PLEKHG1: variants seen among roughly 807,000 people sequenced by gnomAD.
PLEKHG1 encodes pleckstrin homology and RhoGEF domain containing G1.
A neutral mutation model predicts 100.8 loss-of-function variants in PLEKHG1; 44 were observed. The observed-to-expected ratio is 0.44, with a 90% CI of 0.34 to 0.56. The LOEUF is 0.56. Among genes scored for constraint, PLEKHG1 ranks in the 20% least tolerant of loss-of-function variants. The probability of loss-of-function intolerance (pLI) is 0.01; values close to 1 mark genes in which losing one functional copy is unlikely to be tolerated. For synonymous variants in PLEKHG1, 640 were observed against 662.5 expected (o/e 0.97, Z 0.52); for missense variants, 1,545 against 1,720.9 (o/e 0.90, Z 1.81).
chr6:150,800,779 G>A (rs2073061), exon 6 of PLEKHG1: 822,274 of 1,612,362 alleles, frequency 0.51, 215,639 homozygotes, highest in East Asian at 0.79. Context: ...TCTTCAGGGA[G>A]CGTCAGGAAA....
intron 1 of PLEKHG1, among the ~76,000 whole-genome samples, chr6:150,622,263 C>A (rs1470535349): frequency 6.6e-6 from 1 of 152,084 alleles, no homozygotes; most frequent in Non-Finnish European, 1.5e-5. Flanking sequence ...GTAATTTTGG[C>A]CCAAAGGTAA....
At position 150,681,000 on chromosome 6, in the gene PLEKHG1, T is replaced by C. The variant is rs114484088; in HGVS notation, c.-99+30214T>C. ...GTAATCTCTAGGCATAATGCTCATA[T>C]AGAGTCCAAATTCTATATGAATTTA... is the stretch of plus-strand genomic sequence containing the variant. On this transcript the variant is annotated intron_variant, in intron 3 of 3. Coordinates refer to the PLEKHG1 transcript ENST00000367326. Among the ~76,000 whole-genome samples, 309 of 152,350 alleles carry C rather than the reference T, an allele frequency of 2.0e-3. 2 individuals carry two copies. Among genetic ancestry groups the C allele is most frequent in the African/African-American group, 6.4e-3 (266 of 41,596 alleles).
At chr6:150,729,849 T>C (rs1272564137) in intron 1 of PLEKHG1, among the ~76,000 whole-genome samples, 6 of 152,106 alleles carry the variant, frequency 3.9e-5, no homozygotes, top group Non-Finnish European at 7.4e-5. Context: ...CATGTTGCTA[T>C]TTAAGATCTA....
intron 2 of PLEKHG1, among the ~76,000 whole-genome samples, chr6:150,749,155 C>A (rs954114539): frequency 6.6e-6 from 1 of 152,156 alleles, no homozygotes. Context: ...GCCTCCCAGC[C>A]GTTTCATTTG....
At chr6:150,738,112 C>A (rs1021180483) in intron 2 of PLEKHG1, among the ~76,000 whole-genome samples, 5 of 152,128 alleles carry the variant, frequency 3.3e-5, no homozygotes, top group African/African-American at 9.7e-5. Context: ...CTGAGCCCAG[C>A]CTTAGCTGGC....
chr6:150,610,192 C>T lies in PLEKHG1; in HGVS notation c.-204+10175C>T, dbSNP rs145221589. ...TCTCAGCTCACTGCAACGTCTGCCTCCTGGGTTCAAGCGATTTTCCTGCCT... is the reference window on the plus strand; with the variant it reads ...TCTCAGCTCACTGCAACGTCTGCCTTCTGGGTTCAAGCGATTTTCCTGCCT... On this transcript the variant is annotated intron_variant, in intron 1 of 3. Transcript: ENST00000367326. Among the ~76,000 whole-genome samples the T allele has an allele frequency of 5.0e-3, 763 of 152,322 alleles. 7 individuals carry two copies. The highest frequency in any genetic ancestry group is 0.018 in the African/African-American group (734 of 41,566).
At chr6:150,603,097 A>AAAAAG (rs1776432624) in intron 1 of PLEKHG1, among the ~76,000 whole-genome samples, 3 of 150,750 alleles carry the variant, frequency 2.0e-5, no homozygotes. Flanking sequence ...AAAAAAATAA[A>AAAAAG]AAAAAAGAAA....
intron 1 of PLEKHG1, among the ~76,000 whole-genome samples, chr6:150,632,135 G>A (rs144063200): frequency 4.6e-5 from 7 of 152,152 alleles, no homozygotes; most frequent in African/African-American, 1.4e-4. Context: ...TGTGCATGTC[G>A]TAATGTTCAG....
chr6:150,777,501 A>G (rs1288190190), intron 3 of PLEKHG1, among the ~76,000 whole-genome samples: 6 of 143,490 alleles, frequency 4.2e-5, no homozygotes, highest in Admixed American at 2.1e-4. Flanking sequence ...GTTGCACATT[A>G]CTCACACTGA....
chr6:150,738,495 C>T (rs558951690), intron 2 of PLEKHG1, among the ~76,000 whole-genome samples: 7 of 152,320 alleles, frequency 4.6e-5, no homozygotes, highest in Middle Eastern at 3.4e-3. Context: ...GTTGGTTACA[C>T]ATGTAAAGAG....
At chr6:150,649,904 G>C (rs750994728) in intron 2 of PLEKHG1, among the ~76,000 whole-genome samples, 4 of 152,066 alleles carry the variant, frequency 2.6e-5, no homozygotes, top group Non-Finnish European at 4.4e-5. Flanking sequence ...CCCAGCTGCT[G>C]GGGAGGCTGA....
intron 2 of PLEKHG1, 40 bp from the exon 2 acceptor site, chr6:150,650,688 A>G (rs1225970074): frequency 6.6e-5 from 10 of 152,216 alleles, no homozygotes; most frequent in Admixed American, 6.5e-4. Context: ...AGAAAGCAAT[A>G]TTTAAGTAAA....
chr6:150,825,684 G>A (rs1036922103), intron 14 of PLEKHG1, among the ~76,000 whole-genome samples: 1 of 152,170 alleles, frequency 6.6e-6, no homozygotes, highest in Admixed American at 6.5e-5. Flanking sequence ...AGGTGGTTAA[G>A]CTCATGTATA....
chr6:150,788,563 T>G (rs1460055875), intron 4 of PLEKHG1, among the ~76,000 whole-genome samples: 3 of 152,242 alleles, frequency 2.0e-5, no homozygotes, highest in Non-Finnish European at 1.5e-5. Flanking sequence ...ACAGTTCTCC[T>G]GAAGGACAGA....
At chr6:150,630,299 G>T (rs1419322982) in intron 1 of PLEKHG1, among the ~76,000 whole-genome samples, 2 of 152,240 alleles carry the variant, frequency 1.3e-5, no homozygotes, top group Admixed American at 1.3e-4. Flanking sequence ...CAGTGCTGGG[G>T]AGGCATGCAT....
At chr6:150,841,118 AG>A in exon 16 of PLEKHG1, 1 of 668,176 alleles carries the variant, frequency 1.5e-6, no homozygotes, top group Non-Finnish European at 2.7e-6. Flanking sequence ...TCTCATGCTG[AG>A]TGTCTTCATG....
Position 150,657,089 on chromosome 6 carries a change from T to A in PLEKHG1, c.-99+6303T>A, listed in dbSNP as rs1383315644. On this transcript the variant is annotated intron_variant, in intron 3 of 3. Coordinates refer to the PLEKHG1 transcript ENST00000367326. The stretch of plus-strand genomic sequence containing the variant: ...CATCTCAAATTCTTAGGTGAAAATT[T>A]GTTTAGACCTTTTGCTATCAAACTA... 2.0e-5 allele frequency among the ~76,000 whole-genome samples: 3 copies of A among 152,158 alleles called. No homozygotes were observed. The South Asian group carries it at 6.2e-4, about 32-fold the overall frequency.
At chr6:150,599,931 G>A (rs1402796150) in exon 1 of PLEKHG1, 2 of 195,464 alleles carry the variant, frequency 1.0e-5, no homozygotes, top group African/African-American at 2.4e-5. Flanking sequence ...AGGGCGCTCC[G>A]GCAGCCCGAG....
At chr6:150,654,269 G>A (rs1778873124) in intron 3 of PLEKHG1, among the ~76,000 whole-genome samples, 1 of 152,254 alleles carries the variant, frequency 6.6e-6, no homozygotes, top group Non-Finnish European at 1.5e-5. Flanking sequence ...GCACTGGTGA[G>A]TGGGGTAACA....
Sources: allele counts gnomAD v4.1 joint callset (sites outside exome capture counted in the v4.1 genomes callset), GRCh38; gene constraint gnomAD v4.1.1; transcripts MANE v1.5; gene names NCBI Gene and HGNC (gene_info 2026-07-23, HGNC 2026-07-21).